Variants in WWC2 observed in about 807,000 individuals in gnomAD.
WWC2 encodes protein WWC2.
WWC2 carries 101 observed loss-of-function variants against 138.5 expected under a neutral mutation model. That is an observed-to-expected ratio of 0.73 (90% confidence interval 0.62 to 0.86). WWC2 has a LOEUF of 0.86. WWC2 is among the 40% of genes least tolerant of loss of function. The pLI, the probability that WWC2 is intolerant of heterozygous loss-of-function variation, is 0.00. For missense variants in WWC2, 1,420 were observed against 1,419.4 expected, an observed-to-expected ratio of 1.00 and a Z score of -0.01; for synonymous variants, 558 against 538.4, an observed-to-expected ratio of 1.04 and a Z score of -0.50.
chr4:183,303,260 A>G (rs368506116), intron 21 of WWC2, among the ~76,000 whole-genome samples: 2 of 152,316 alleles, frequency 1.3e-5, no homozygotes, highest in Non-Finnish European at 1.5e-5. Flanking sequence ...TTCTGCAAAT[A>G]TAGACAGTTG....
At chr4:183,279,954 C>T (rs1026165290) in intron 16 of WWC2, among the ~76,000 whole-genome samples, 9 of 152,212 alleles carry the variant, frequency 5.9e-5, no homozygotes, top group Non-Finnish European at 1.0e-4. Flanking sequence ...ATTTTTCTCT[C>T]AATGCCTTTA....
intron 1 of WWC2, among the ~76,000 whole-genome samples, chr4:183,134,283 TTAA>T (rs1431209817): frequency 6.6e-6 from 1 of 152,038 alleles, no homozygotes; most frequent in African/African-American, 2.4e-5. Context: ...GTGCCTATTA[TTAA>T]TATTTCTGTA....
At chr4:183,273,021 C>T (rs375485123) in intron 16 of WWC2, among the ~76,000 whole-genome samples, 3 of 152,220 alleles carry the variant, frequency 2.0e-5, no homozygotes, top group South Asian at 4.1e-4. Flanking sequence ...ATTTGAGGAA[C>T]AGCCAAACTG....
chr4:183,220,065 G>A (rs1735878639), intron 4 of WWC2, among the ~76,000 whole-genome samples: 1 of 152,116 alleles, frequency 6.6e-6, no homozygotes, highest in Admixed American at 6.5e-5. Context: ...GATTACAGAG[G>A]GAGAGGCCAA....
intron 1 of WWC2, among the ~76,000 whole-genome samples, chr4:183,189,939 A>G (rs192956989): frequency 3.0e-4 from 46 of 152,356 alleles, no homozygotes; most frequent in African/African-American, 8.9e-4. Flanking sequence ...TGAGTTGACA[A>G]TAAATATTAA....
intron 15 of WWC2, chr4:183,269,819 G>A (rs4397037): frequency 0.24 from 47,566 of 195,492 alleles, 6,724 homozygotes; most frequent in Admixed American, 0.39. Flanking sequence ...ACATTTAAAT[G>A]CTACAGCAGA....
chr4:183,236,995 A>G (rs1736446752), intron 4 of WWC2, among the ~76,000 whole-genome samples: 1 of 152,196 alleles, frequency 6.6e-6, no homozygotes, highest in Non-Finnish European at 1.5e-5. Flanking sequence ...TTAAAGAAGA[A>G]TTGTCTTGGA....
At chr4:183,165,831 T>C (rs1426340793) in intron 1 of WWC2, among the ~76,000 whole-genome samples, 1 of 152,198 alleles carries the variant, frequency 6.6e-6, no homozygotes, top group African/African-American at 2.4e-5. Flanking sequence ...AAAAAATAAG[T>C]GTTTGATTTT....
chr4:183,294,478 G>A (rs1346968440), intron 21 of WWC2, among the ~76,000 whole-genome samples: 2 of 152,248 alleles, frequency 1.3e-5, no homozygotes, highest in Admixed American at 1.3e-4. Flanking sequence ...CAGTGTTGCT[G>A]TGTGATGAGG....
At chr4:183,159,443 C>T (rs2111136336) in intron 1 of WWC2, among the ~76,000 whole-genome samples, 1 of 152,280 alleles carries the variant, frequency 6.6e-6, no homozygotes, top group Admixed American at 6.5e-5. Flanking sequence ...CTCACTCTGT[C>T]ATCCAGGCCG....
chr4:183,123,967 TA>T (rs1262075297), intron 1 of WWC2, among the ~76,000 whole-genome samples: 10 of 152,176 alleles, frequency 6.6e-5, no homozygotes, highest in Admixed American at 2.0e-4. Context: ...GCTGACTTCC[TA>T]AAAAAATTCG....
intron 21 of WWC2, among the ~76,000 whole-genome samples, chr4:183,294,091 G>A (rs1323750285): frequency 6.6e-6 from 1 of 151,972 alleles, no homozygotes; most frequent in Admixed American, 6.6e-5. Context: ...CCCTGTTGCC[G>A]CTATTCAGCT....
At chr4:183,310,254 C>G (rs887001897) in intron 21 of WWC2, among the ~76,000 whole-genome samples, 4 of 152,116 alleles carry the variant, frequency 2.6e-5, no homozygotes, top group Non-Finnish European at 4.4e-5. Flanking sequence ...AACAAACGTA[C>G]ACTCTGGTGG....
chr4:183,113,258 G>A (rs562294297), intron 1 of WWC2, among the ~76,000 whole-genome samples: 2 of 151,970 alleles, frequency 1.3e-5, no homozygotes, highest in African/African-American at 4.8e-5. Flanking sequence ...GTTTCCATCA[G>A]CACAGATTGA....
intron 1 of WWC2, among the ~76,000 whole-genome samples, chr4:183,143,984 A>G (rs1733377823): frequency 6.6e-6 from 1 of 152,344 alleles, no homozygotes; most frequent in Admixed American, 6.5e-5. Flanking sequence ...ACTCTTTTCT[A>G]ACAGAAAGGC....
chr4:183,182,904 C>A (rs543582373), intron 1 of WWC2, among the ~76,000 whole-genome samples: 2 of 152,268 alleles, frequency 1.3e-5, no homozygotes, highest in African/African-American at 4.8e-5. Context: ...AAATTACAAC[C>A]CTTTCATGAT....
chr4:183,310,417 AAAAC>A (rs1373730408), intron 21 of WWC2, among the ~76,000 whole-genome samples: 1 of 152,226 alleles, frequency 6.6e-6, no homozygotes, highest in African/African-American at 2.4e-5. Flanking sequence ...ACCTGAGAAA[AAAAC>A]AATATATTGT....
In WWC2 at chr4:183,317,887, A is replaced by G. The variant is rs1170941939; in HGVS notation, c.*2158A>G. The G allele has an allele frequency of 6.6e-6, 1 of 152,186 alleles. No homozygotes were observed. Among genetic ancestry groups the G allele is most frequent in the Non-Finnish European group, 1.5e-5 (1 of 68,028 alleles). 9.4% of individuals were successfully genotyped at this position (152,186 alleles called of 1,614,324 possible). On this transcript the variant is annotated 3_prime_UTR_variant, in exon 23 of 23. Coordinates refer to ENST00000403733, the MANE Select transcript of WWC2 (RefSeq NM_024949.6). Reference sequence around the variant, plus strand: ...ATGCTTTTGGTTGTTGTATTTCACAAAATTTCCTCATTTCTAACATGAGAG... The same window carrying G: ...ATGCTTTTGGTTGTTGTATTTCACAGAATTTCCTCATTTCTAACATGAGAG...
chr4:183,204,424 T>TA (rs796530226), intron 2 of WWC2, among the ~76,000 whole-genome samples: 2 of 152,284 alleles, frequency 1.3e-5, no homozygotes, highest in African/African-American at 4.8e-5. Flanking sequence ...GTAAAATACT[T>TA]AGAGTCTCAC....
Sources: gnomAD v4.1 joint callset for allele counts (sites outside exome capture counted in the v4.1 genomes callset) on GRCh38, gnomAD v4.1.1 for gene constraint, MANE v1.5 for transcripts, NCBI Gene and HGNC (gene_info 2026-07-23, HGNC 2026-07-21) for gene names.